CCDC88C: variants seen among roughly 807,000 people sequenced by gnomAD.
The protein encoded by CCDC88C is protein Daple.
Under a neutral mutation model 198.8 loss-of-function variants are expected in CCDC88C, and 131 were observed. That is an observed-to-expected ratio of 0.66 (90% CI 0.57 to 0.76). The LOEUF (loss-of-function observed/expected upper bound fraction) is 0.76. Among genes scored for constraint, CCDC88C ranks in the 30% least tolerant of loss-of-function variants. CCDC88C has a pLI of 0.00. For synonymous variants in CCDC88C, 1,166 were observed against 1,114.7 expected (o/e 1.05, Z -0.92); for missense variants, 2,553 against 2,631.6 (o/e 0.97, Z 0.65).
Position 91,299,950 on chromosome 14 carries a change from C to G in CCDC88C, c.3756G>C (p.Gln1252His). ...RTNALAMGEN[Q>H]RLRGELDRVN... is the part of the protein sequence containing the mutation. ...ACCTGTCCAGCTCGCCCCGCAGCCTCTGGTTCTCGCCCATGGCGAGGGCGT... is the reference window on the plus strand; with the variant it reads ...ACCTGTCCAGCTCGCCCCGCAGCCTGTGGTTCTCGCCCATGGCGAGGGCGT... The change falls in exon 21 of 30, where the codon CAG (glutamine) becomes CAC (histidine). Residue 1252 changes from glutamine to histidine, a missense_variant. Physicochemically the swap from Gln to His is conservative, Grantham distance 24. Coordinates refer to ENST00000389857, the MANE Select transcript of CCDC88C (RefSeq NM_001080414.4). 6.3e-7 allele frequency: 1 copy of G among 1,591,128 alleles called. No homozygotes were observed. Among genetic ancestry groups the G allele is most frequent in the East Asian group, 2.3e-5 (1 of 44,294 alleles).
chr14:91,301,132 C>T (rs985049074), intron 20 of CCDC88C, among the ~76,000 whole-genome samples: 1 of 152,210 alleles, frequency 6.6e-6, no homozygotes, highest in Non-Finnish European at 1.5e-5. Context: ...ACTGAATCCC[C>T]GTGTGAGGAA....
Position 91,273,697 on chromosome 14 carries a change from G to C in CCDC88C, c.5059-44C>G, listed in dbSNP as rs1418838381. On this transcript the variant is annotated intron_variant, in intron 29 of 29. Transcript: ENST00000389857. The surrounding 1 kb of genome is among the most constrained non-coding windows in gnomAD (Gnocchi z 5.6). ...AGGTTGGAGGTGGGCATGAGGGTTG[G>C]GTGGGTCCTTGGAGCCGCCTCCTGC... The C allele has an allele frequency of 7.1e-7, 1 of 1,411,108 alleles. No individual in the cohort carries two copies. The highest frequency in any genetic ancestry group is 1.5e-5 in the African/African-American group (1 of 68,038). 87.4% of individuals were successfully genotyped at this position (1,411,108 alleles called of 1,614,324 possible). A position where few individuals can be genotyped will look rare whatever the true frequency, so the allele number is the denominator to read the frequency against.
At chr14:91,282,452 C>T (rs1211380497) in intron 26 of CCDC88C, among the ~76,000 whole-genome samples, 1 of 152,322 alleles carries the variant, frequency 6.6e-6, no homozygotes, top group East Asian at 1.9e-4. Flanking sequence ...CTTCCTTTCT[C>T]TTTGCATATT....
At chr14:91,311,327 G>A (rs1192293325) in intron 15 of CCDC88C, among the ~76,000 whole-genome samples, 1 of 152,194 alleles carries the variant, frequency 6.6e-6, no homozygotes, top group Non-Finnish European at 1.5e-5. Context: ...TTGCCTGCAT[G>A]GATCGTCAGT....
At chr14:91,379,482 C>T (rs1489856496) in intron 3 of CCDC88C, 9 of 322,182 alleles carry the variant, frequency 2.8e-5, no homozygotes, top group Non-Finnish European at 4.7e-5. Context: ...CTTGGCCACC[C>T]GGGGCAGCTA....
rs753949290 is a variant in CCDC88C at position 91,277,989 on chromosome 14, G to T, written c.4991C>A (p.Ser1664Tyr). 6.4e-7 allele frequency: 1 copy of T among 1,567,578 alleles called. No individual in the cohort carries two copies. Among genetic ancestry groups the T allele is most frequent in the Admixed American group, 1.9e-5 (1 of 53,900 alleles). Residue 1664 changes from serine (S) to tyrosine (Y), a missense_variant, in exon 29 of 30, where the codon TCC becomes TAC. Transcript: ENST00000389857. ...PYVGVRPCSA[S>Y]PSSEMVTLEE... Reference sequence around the variant, plus strand: ...CAAGGTGACCATCTCACTGCTGGGGGAGGCCGAGCAGGGCCGCACTCCGAC... The same window carrying T: ...CAAGGTGACCATCTCACTGCTGGGGTAGGCCGAGCAGGGCCGCACTCCGAC...
chr14:91,280,933 TTCTC>T lies in CCDC88C; in HGVS notation c.4699+520_4699+523del, dbSNP rs1484316618. Among the ~76,000 whole-genome samples the T allele has an allele frequency of 7.3e-4, 111 of 152,154 alleles. 1 individual carries two copies. Among genetic ancestry groups the T allele is most frequent in the Non-Finnish European group, 2.6e-4 (18 of 68,020 alleles). On this transcript the variant is annotated intron_variant, in intron 27 of 29. Transcript: ENST00000389857. Reference sequence around the variant, plus strand: ...TTCAAGGGGTCTTTTTAGGATTATTTTCTCACCCTTGTAGGGTTGCTTTTCAAAA... The same window carrying T: ...TTCAAGGGGTCTTTTTAGGATTATTTACCCTTGTAGGGTTGCTTTTCAAAA...
At chr14:91,316,500 G>C (rs966695465) in intron 13 of CCDC88C, among the ~76,000 whole-genome samples, 2 of 151,356 alleles carry the variant, frequency 1.3e-5, no homozygotes, top group African/African-American at 4.9e-5. Flanking sequence ...TTGGCTCACT[G>C]CAACCTCCGC....
At chr14:91,277,762 T>A (rs1038213667) in intron 29 of CCDC88C, among the ~76,000 whole-genome samples, 160 bp downstream of exon 29, 3 of 152,162 alleles carry the variant, frequency 2.0e-5, no homozygotes, top group Non-Finnish European at 4.4e-5. Context: ...TGGCTTGCGG[T>A]GACTTGTCAG....
chr14:91,341,993 A>G (rs1893332584), intron 6 of CCDC88C: 1 of 171,544 alleles, frequency 5.8e-6, no homozygotes, highest in African/African-American at 2.4e-5. Context: ...TCTCTATTCT[A>G]TAAAGATCAA....
At chr14:91,333,778 TG>T (rs1892933538) in intron 10 of CCDC88C, among the ~76,000 whole-genome samples, 1 of 152,252 alleles carries the variant, frequency 6.6e-6, no homozygotes, top group South Asian at 2.1e-4. Flanking sequence ...CCCAGGAATC[TG>T]CATTTTAAAC....
intron 4 of CCDC88C, among the ~76,000 whole-genome samples, chr14:91,348,526 G>A (rs776392235): frequency 1.6e-4 from 24 of 151,894 alleles, no homozygotes; most frequent in Non-Finnish European, 2.9e-4. Flanking sequence ...ACAACACTCC[G>A]AGGCTGTTTG....
At chr14:91,417,462 G>A in intron 1 of CCDC88C, 169 bp downstream of exon 1, 1 of 586,348 alleles carries the variant, frequency 1.7e-6, no homozygotes, top group Non-Finnish European at 2.9e-6. Flanking sequence ...GAGTTACAAA[G>A]CTCCGGACTC....
intron 17 of CCDC88C, 80 bp downstream of exon 17, chr14:91,308,271 A>G: frequency 1.3e-6 from 2 of 1,531,698 alleles, no homozygotes; most frequent in Admixed American, 3.8e-5. Context: ...AGGCCACCCC[A>G]CTGCTATACA....
rs1567049483 is a variant in CCDC88C at position 91,284,923 on chromosome 14, T to C, written c.4442-1406A>G. ...TACAGGGATGGCTAGAGACAGGAAA[T>C]GCTCCATAGGTAATGGCCTAGCTGG... On this transcript the variant is annotated intron_variant, in intron 25 of 29. Coordinates refer to ENST00000389857, the MANE Select transcript of CCDC88C (RefSeq NM_001080414.4). This position sits in a 1 kb window ranked among gnomAD's most constrained non-coding sequence, Gnocchi z 4.1. Among the ~76,000 whole-genome samples, 2 of 152,160 alleles carry C rather than the reference T, an allele frequency of 1.3e-5. No individual in the cohort carries two copies. The highest frequency in any genetic ancestry group is 1.9e-4 in the East Asian group (1 of 5,194).
chr14:91,293,091 CTCACCT>C (rs1890739616), intron 23 of CCDC88C, among the ~76,000 whole-genome samples: 1 of 151,202 alleles, frequency 6.6e-6, no homozygotes. Flanking sequence ...CCTTCCTGTC[CTCACCT>C]GCCACGGCCC....
chr14:91,388,733 C>T (rs984149000), intron 3 of CCDC88C, among the ~76,000 whole-genome samples: 12 of 152,200 alleles, frequency 7.9e-5, no homozygotes, highest in African/African-American at 2.7e-4. Flanking sequence ...GACTGAGATC[C>T]GCTCTAACTG....
intron 3 of CCDC88C, among the ~76,000 whole-genome samples, chr14:91,388,163 C>T (rs558099170): frequency 1.3e-5 from 2 of 152,342 alleles, no homozygotes; most frequent in South Asian, 2.1e-4. Flanking sequence ...GCAGTTACCA[C>T]GCCCCAGCGA....
Position 91,417,020 on chromosome 14 carries a change from C to T in CCDC88C, c.61-182G>A, listed in dbSNP as rs1285845. ...TCCTAGGGCCTGTCTCCCCTCCCCG[C>T]GCGGGGCAACAGACACGAGACAGGA... On this transcript the variant is annotated intron_variant, in intron 1 of 29. Coordinates refer to ENST00000389857, the MANE Select transcript of CCDC88C (RefSeq NM_001080414.4). The T allele has an allele frequency of 9.5e-3, 6,574 of 691,048 alleles. 50 individuals carry two copies. The highest frequency in any genetic ancestry group is 0.013 in the Non-Finnish European group (4,964 of 379,804). The allele number at this position is 691,048 out of a possible 1,614,324, so 42.8% of individuals were successfully genotyped here.
Sources: gnomAD v4.1 joint callset for allele counts (sites outside exome capture counted in the v4.1 genomes callset) on GRCh38, gnomAD v4.1.1 for gene constraint, Gnocchi (gnomAD v3.1) non-coding constraint, MANE v1.5 for transcripts, NCBI Gene and HGNC (gene_info 2026-07-23, HGNC 2026-07-21) for gene names.